Variants in DIAPH2 observed in about 807,000 individuals in gnomAD.
The protein encoded by DIAPH2 is protein diaphanous homolog 2.
In DIAPH2, 35 loss-of-function variants were observed where a neutral mutation model predicts 92.7. That is an observed-to-expected ratio of 0.38 (90% confidence interval 0.29 to 0.50). DIAPH2 has a LOEUF of 0.50. Among genes scored for constraint, DIAPH2 ranks in the 20% least tolerant of loss-of-function variants. DIAPH2 has a pLI of 0.94. For missense variants in DIAPH2, 701 were observed against 819.5 expected (o/e 0.86, Z 1.77); for synonymous variants, 301 against 280.4 (o/e 1.07, Z -0.73).
At chrX:97,149,304 A>G (rs2067268088) in intron 22 of DIAPH2, among the ~76,000 whole-genome samples, 2 of 111,951 alleles carry the variant, frequency 1.8e-5, no homozygotes, top group South Asian at 3.7e-4. Flanking sequence ...TAATATACCA[A>G]TGTGACAAAA....
intron 17 of DIAPH2, among the ~76,000 whole-genome samples, chrX:97,068,173 A>G (rs5921288): frequency 0.42 from 46,481 of 110,281 alleles, 7,381 homozygotes; most frequent in South Asian, 0.54. Context: ...CCTGATCACT[A>G]GTGAAGTTGA....
chrX:97,185,329 A>ATATATATATG (rs1569322965), intron 22 of DIAPH2, among the ~76,000 whole-genome samples: 113 of 9,394 alleles, frequency 0.012, 18 homozygotes, highest in Middle Eastern at 0.077. Flanking sequence ...ATATATGTGT[A>ATATATATATG]TATATATATA....
At chrX:97,524,835 C>T (rs922407386) in intron 26 of DIAPH2, among the ~76,000 whole-genome samples, 4 of 112,146 alleles carry the variant, frequency 3.6e-5, no homozygotes, top group African/African-American at 1.3e-4. Context: ...ATTTCACCCA[C>T]TCTCATATTT....
chrX:97,569,986 T>G (rs771170332), intron 26 of DIAPH2, among the ~76,000 whole-genome samples: 1 of 98,204 alleles, frequency 1.0e-5, no homozygotes, highest in Non-Finnish European at 2.0e-5. Flanking sequence ...TGGATTTCAA[T>G]TAAATAATTC....
chrX:97,306,693 T>C (rs1394248041), intron 23 of DIAPH2, among the ~76,000 whole-genome samples: 2 of 111,835 alleles, frequency 1.8e-5, no homozygotes, highest in African/African-American at 6.5e-5. Context: ...GTGGTTATGA[T>C]ACTGCCCTGT....
intron 22 of DIAPH2, among the ~76,000 whole-genome samples, chrX:97,192,489 C>T (rs139972091): frequency 0.014 from 1,546 of 110,169 alleles, 26 homozygotes; most frequent in African/African-American, 0.049. Flanking sequence ...GAGCTAGATG[C>T]GCCCTTAGAT....
chrX:97,375,114 T>G (rs867323473), intron 24 of DIAPH2, among the ~76,000 whole-genome samples: 1 of 111,884 alleles, frequency 8.9e-6, no homozygotes. Context: ...GGATCTGTGT[T>G]TCCTATCACC....
intron 19 of DIAPH2, among the ~76,000 whole-genome samples, chrX:97,090,212 C>A (rs2066813020): frequency 9.4e-6 from 1 of 106,536 alleles, no homozygotes; most frequent in Non-Finnish European, 1.9e-5. Flanking sequence ...TCTTTGATTT[C>A]TACTTGACTA....
intron 19 of DIAPH2, among the ~76,000 whole-genome samples, chrX:97,090,627 G>A: frequency 9.0e-6 from 1 of 111,150 alleles, no homozygotes; most frequent in South Asian, 3.8e-4. Context: ...GCTGAAAAAT[G>A]TCCCTGAATG....
chrX:97,054,123 A>G (rs756898601), intron 17 of DIAPH2, among the ~76,000 whole-genome samples: 1 of 112,234 alleles, frequency 8.9e-6, no homozygotes, highest in East Asian at 2.8e-4. Context: ...ATATGCACCA[A>G]TGAATGACTG....
At chrX:96,819,900 T>A (rs2064766180) in intron 4 of DIAPH2, among the ~76,000 whole-genome samples, 1 of 112,060 alleles carries the variant, frequency 8.9e-6, no homozygotes, top group African/African-American at 3.2e-5. Flanking sequence ...ATTCCCTCCC[T>A]CAAGGAACTG....
chrX:97,006,754 G>A (rs1412229969), intron 17 of DIAPH2, among the ~76,000 whole-genome samples: 2 of 111,413 alleles, frequency 1.8e-5, no homozygotes, highest in Non-Finnish European at 3.8e-5. Flanking sequence ...GGAGAATTTA[G>A]TGCACTTACA....
chrX:96,892,276 G>A (rs771485400), intron 5 of DIAPH2, among the ~76,000 whole-genome samples: 1 of 111,949 alleles, frequency 8.9e-6, no homozygotes, highest in East Asian at 2.8e-4. Flanking sequence ...TGTGAACACG[G>A]CTTAAAATTG....
In DIAPH2 at chrX:96,860,620, A is replaced by C. The variant is rs763138769; in HGVS notation, c.448-20959A>C. ...AATTTACCCTAAGGAAATTATCCAAAAGAAGAAAAAAGTATTTATTTGCAG... is the reference window on the plus strand; with the variant it reads ...AATTTACCCTAAGGAAATTATCCAACAGAAGAAAAAAGTATTTATTTGCAG... On this transcript the variant is annotated intron_variant, in intron 4 of 26. Transcript: ENST00000324765. 1.2e-4 allele frequency among the ~76,000 whole-genome samples: 13 copies of C among 111,622 alleles called. No individual in the cohort carries two copies. The East Asian group carries it at 3.6e-3, about 31-fold the overall frequency.
intron 4 of DIAPH2, among the ~76,000 whole-genome samples, chrX:96,860,542 C>T (rs1209780630): frequency 3.6e-5 from 4 of 111,803 alleles, no homozygotes; most frequent in East Asian, 2.8e-4. Context: ...AAGAATTTGA[C>T]GGAATATACC....
intron 3 of DIAPH2, among the ~76,000 whole-genome samples, chrX:96,750,052 T>G (rs1176391473): frequency 5.5e-5 from 4 of 72,294 alleles, no homozygotes; most frequent in Admixed American, 1.4e-4. Flanking sequence ...ATATTTCAAG[T>G]TTTTTTTTTT....
At chrX:96,740,383 T>A (rs1367130459) in intron 3 of DIAPH2, among the ~76,000 whole-genome samples, 2 of 112,601 alleles carry the variant, frequency 1.8e-5, no homozygotes, top group African/African-American at 6.4e-5. Flanking sequence ...GAAACATTCC[T>A]TGATACTATT....
At chrX:97,438,351 G>GTTTTTTTTTTTTT (rs1569397496) in intron 26 of DIAPH2, among the ~76,000 whole-genome samples, 4 of 51,335 alleles carry the variant, frequency 7.8e-5, no homozygotes, top group Non-Finnish European at 1.4e-4. Context: ...TTTTTTTTTT[G>GTTTTTTTTTTTTT]TTTGTTTGTT....
At chrX:96,845,784 A>T (rs984566005) in intron 4 of DIAPH2, among the ~76,000 whole-genome samples, 2 of 111,060 alleles carry the variant, frequency 1.8e-5, no homozygotes, top group Non-Finnish European at 3.8e-5. Flanking sequence ...TTGAGTGTGA[A>T]TTTTTTTCTT....
Sources: allele counts gnomAD v4.1 joint callset (sites outside exome capture counted in the v4.1 genomes callset), GRCh38; gene constraint gnomAD v4.1.1; transcripts MANE v1.5; gene names NCBI Gene and HGNC (gene_info 2026-07-23, HGNC 2026-07-21).